HNRNPH1: variants seen among roughly 807,000 people sequenced by gnomAD.
HNRNPH1 encodes the protein heterogeneous nuclear ribonucleoprotein H.
Under a neutral mutation model 58.6 loss-of-function variants are expected in HNRNPH1, and 4 were observed. That is an observed-to-expected ratio of 0.07 (90% confidence interval 0.03 to 0.16). The LOEUF (loss-of-function observed/expected upper bound fraction) is 0.16. Ranked by LOEUF, HNRNPH1 falls within the 10% of genes least tolerant of loss-of-function variation. The pLI is 1.00. For synonymous variants in HNRNPH1, 192 were observed against 189.2 expected (o/e 1.01, Z -0.12); for missense variants, 271 against 564.2 (o/e 0.48, Z 5.26).
chr5:179,616,044 C>G (rs1769413225), intron 11 of HNRNPH1, 82 bp downstream of exon 12: 1 of 1,228,296 alleles, frequency 8.1e-7, no homozygotes, highest in Middle Eastern at 1.9e-4. Context: ...CAGTAACAGG[C>G]TTTACCATAA....
chr5:179,632,490 C>G (rs1267736302), intron 2 of HNRNPH1, among the ~76,000 whole-genome samples: 4 of 152,220 alleles, frequency 2.6e-5, no homozygotes, highest in Non-Finnish European at 5.9e-5. Flanking sequence ...GACGCCGAGT[C>G]CGGCTCCACA....
chr5:179,615,210 T>G, intron 12 of HNRNPH1: 1 of 438,152 alleles, frequency 2.3e-6, no homozygotes. Context: ...ACATGAAAAA[T>G]TAAGTTTAAA....
At chr5:179,630,936 C>A (rs1271722766) in intron 2 of HNRNPH1, among the ~76,000 whole-genome samples, 19 of 140,076 alleles carry the variant, frequency 1.4e-4, no homozygotes, top group African/African-American at 4.5e-4. Flanking sequence ...AAAAACAGCT[C>A]AAAAAAAAAA....
chr5:179,621,998 A>G (rs534231550), intron 1 of HNRNPH1: 14 of 456,310 alleles, frequency 3.1e-5, no homozygotes, highest in Admixed American at 2.8e-4. Context: ...TAGTAAGTCA[A>G]TACTACAAAC....
At chr5:179,622,205 CTTCAA>C (rs149965757) in intron 1 of HNRNPH1, among the ~76,000 whole-genome samples, 3,353 of 152,298 alleles carry the variant, frequency 0.022, 61 homozygotes, top group Non-Finnish European at 0.036. Flanking sequence ...AGAAAACACT[CTTCAA>C]TTATCAAATC....
exon 13 of HNRNPH1, chr5:179,614,878 G>C (rs764170704): frequency 2.6e-6 from 4 of 1,544,326 alleles, no homozygotes; most frequent in South Asian, 2.4e-5. Flanking sequence ...GGACATGCTA[G>C]ACAACCCTCC....
chr5:179,617,345 A>T, intron 8 of HNRNPH1, 169 bp downstream of exon 9: 1 of 801,250 alleles, frequency 1.2e-6, no homozygotes, highest in Non-Finnish European at 2.0e-6. Flanking sequence ...AATCCGTTAT[A>T]CTAATTTTTA....
chr5:179,629,082 G>A (rs1254353167), upstream of HNRNPH1: 1 of 144,910 alleles, frequency 6.9e-6, no homozygotes, highest in African/African-American at 2.5e-5. Context: ...CAGATCACAA[G>A]GTCAGCAGAT....
In HNRNPH1 at chr5:179,616,288, AATTCTATAGCTAT is replaced by A. The variant is rs1769616854; in HGVS notation, c.1208-83_1208-71del. 9 of 1,171,488 alleles carry A rather than the reference AATTCTATAGCTAT, an allele frequency of 7.7e-6. No homozygotes were observed. In the South Asian group the frequency reaches 1.1e-4, roughly 14 times the overall value. 72.6% of individuals were successfully genotyped at this position (1,171,488 alleles called of 1,614,324 possible). ...TGGTACCTGGTGGTACCGGGCTTGT[AATTCTATAGCTAT>A]CATTTTCCAGTCTTGATCTTACATT... On this transcript the variant is annotated intron_variant, in intron 10 of 12. Transcript: ENST00000356731.
chr5:179,629,841 G>T (rs1454135341), intron 2 of HNRNPH1, among the ~76,000 whole-genome samples: 1 of 147,772 alleles, frequency 6.8e-6, no homozygotes, highest in Non-Finnish European at 1.5e-5. Context: ...TGGCCAACAT[G>T]GTGAAACCCC....
At chr5:179,626,776 CTTT>C (rs60754691), upstream of HNRNPH1, among the ~76,000 whole-genome samples, 4 of 132,460 alleles carry the variant, frequency 3.0e-5, no homozygotes, top group African/African-American at 2.8e-5. Context: ...TGGTATACTT[CTTT>C]TTTTTTTTTT....
chr5:179,621,330 G>C (rs751375457), exon 2 of HNRNPH1: 1 of 1,613,616 alleles, frequency 6.2e-7, no homozygotes, highest in Non-Finnish European at 8.5e-7. Context: ...CAAAAGCCTC[G>C]CCACTTGGTC....
chr5:179,628,741 A>G (rs1278845428), upstream of HNRNPH1, among the ~76,000 whole-genome samples: 3 of 152,012 alleles, frequency 2.0e-5, no homozygotes, highest in Admixed American at 6.6e-5. Flanking sequence ...AGAGTTCCAG[A>G]CTAACCTGGC....
At chr5:179,630,934 C>A (rs1353001769) in intron 2 of HNRNPH1, among the ~76,000 whole-genome samples, 71 of 150,718 alleles carry the variant, frequency 4.7e-4, no homozygotes, top group Non-Finnish European at 9.0e-4. Context: ...ACAAAAACAG[C>A]TCAAAAAAAA....
At chr5:179,620,861 T>A in intron 3 of HNRNPH1, 31 bp downstream of exon 4, 3 of 1,608,572 alleles carry the variant, frequency 1.9e-6, no homozygotes, top group Non-Finnish European at 2.6e-6. Context: ...TAGCCAAAAC[T>A]CACTGCTCAG....
chr5:179,618,169 T>A (rs1405025627), exon 5 of HNRNPH1: 3 of 1,613,850 alleles, frequency 1.9e-6, no homozygotes, highest in Non-Finnish European at 2.5e-6. Context: ...CCACGCCTCA[T>A]CCTCTCAAAG....
At chr5:179,616,415 A>G (rs1244278993) in intron 10 of HNRNPH1, 197 bp from the exon 12 acceptor site, 58 of 595,322 alleles carry the variant, frequency 9.7e-5, no homozygotes, top group Non-Finnish European at 1.4e-4. Context: ...TTGATAAACC[A>G]AAGTGCTAAC....
At position 179,616,357 on chromosome 5, in the gene HNRNPH1, G is replaced by A. The variant is rs1769658492; in HGVS notation, c.1208-139C>T. ...AACCCTCTGCCTCCTTCTGCCTACT[G>A]TCTATAACCAGGCCACCCTTCTATC... On this transcript the variant is annotated intron_variant, in intron 10 of 12. Transcript: ENST00000356731. 8.5e-6 allele frequency: 6 copies of A among 707,344 alleles called. No individual in the cohort carries two copies. The Admixed American group carries it at 1.4e-4, about 16-fold the overall frequency. The allele number at this position is 707,344 out of a possible 1,614,324, so 43.8% of individuals were successfully genotyped here.
chr5:179,623,325 A>C, exon 1 of HNRNPH1: 1 of 427,468 alleles, frequency 2.3e-6, no homozygotes, highest in Non-Finnish European at 4.4e-6. Flanking sequence ...GGACCCCCAA[A>C]GCTGTCCTGA....
Sources: allele counts gnomAD v4.1 joint callset (sites outside exome capture counted in the v4.1 genomes callset), GRCh38; gene constraint gnomAD v4.1.1; transcripts MANE v1.5; gene names NCBI Gene and HGNC (gene_info 2026-07-23, HGNC 2026-07-21).